The following NINL variants were observed in gnomAD, a reference collection of about 807,000 sequenced individuals.
NINL encodes ninein-like protein.
In NINL, 153 loss-of-function variants were observed where a neutral mutation model predicts 160.3. The observed-to-expected ratio is 0.95, with a 90% CI of 0.84 to 1.09. NINL has a LOEUF of 1.09. Ranked by LOEUF, NINL falls within the 50% of genes least tolerant of loss-of-function variation. The pLI is 0.00. For synonymous variants in NINL, 800 were observed against 734.8 expected, an observed-to-expected ratio of 1.09 and a Z score of -1.43; for missense variants, 1,829 against 1,764.0, an observed-to-expected ratio of 1.04 and a Z score of -0.66.
intron 8 of NINL, chr20:25,498,943 C>T (rs1251013113): frequency 1.0e-6 from 1 of 985,370 alleles, no homozygotes; most frequent in African/African-American, 1.7e-5. Flanking sequence ...TAGAGTCACA[C>T]ACACCCTAAG....
At chr20:25,469,381 C>A (rs970510923) in intron 18 of NINL, among the ~76,000 whole-genome samples, 1 of 144,468 alleles carries the variant, frequency 6.9e-6, no homozygotes, top group African/African-American at 2.7e-5. Context: ...CCCTGCCCCC[C>A]TGACTCTCAC....
intron 9 of NINL, 22 bp from the exon 10 acceptor site, chr20:25,496,825 G>C (rs781050880): frequency 3.7e-6 from 6 of 1,612,076 alleles, no homozygotes. Flanking sequence ...AGGAGACAGG[G>C]TCAGATGGGA....
intron 1 of NINL, among the ~76,000 whole-genome samples, chr20:25,564,858 G>A (rs2064983121): frequency 1.3e-5 from 2 of 149,894 alleles, no homozygotes; most frequent in Admixed American, 6.6e-5. Flanking sequence ...ATCAGAGAAC[G>A]AGGTCACAAG....
chr20:25,537,258 T>A (rs903518615), intron 1 of NINL, among the ~76,000 whole-genome samples: 2 of 151,922 alleles, frequency 1.3e-5, no homozygotes, highest in African/African-American at 2.4e-5. Context: ...ACTTTTAAAC[T>A]TTTTTGTACA....
chr20:25,456,170 G>A (rs190866177), intron 22 of NINL, among the ~76,000 whole-genome samples: 372 of 142,458 alleles, frequency 2.6e-3, no homozygotes, highest in African/African-American at 9.2e-3. Context: ...TTGAACCCAA[G>A]AGGCAGAGGT....
intron 1 of NINL, among the ~76,000 whole-genome samples, chr20:25,528,996 G>A (rs6138595): frequency 0.16 from 24,023 of 152,172 alleles, 2,183 homozygotes; most frequent in East Asian, 0.35. Flanking sequence ...CACAGGGTAC[G>A]GAAGTTGGAG....
chr20:25,475,048 G>A (rs146299892), intron 17 of NINL, among the ~76,000 whole-genome samples: 2,174 of 152,112 alleles, frequency 0.014, 17 homozygotes, highest in Middle Eastern at 0.02. Flanking sequence ...CTCCCAAAGT[G>A]CTGAGATTAC....
intron 1 of NINL, among the ~76,000 whole-genome samples, chr20:25,548,498 C>T (rs1035075732): frequency 6.6e-6 from 1 of 151,940 alleles, no homozygotes; most frequent in African/African-American, 2.4e-5. Flanking sequence ...CCCAACCTTA[C>T]ACAGGGCTGA....
At chr20:25,583,992 G>T (rs1411404731) in intron 1 of NINL, among the ~76,000 whole-genome samples, 1 of 152,122 alleles carries the variant, frequency 6.6e-6, no homozygotes, top group Non-Finnish European at 1.5e-5. Context: ...GGGCGGGTGG[G>T]GGGCAAGAGG....
In NINL at chr20:25,500,843, C is replaced by A. The variant is rs2063852949; in HGVS notation, c.1029G>T (p.Leu343Phe). 6.2e-7 allele frequency: 1 copy of A among 1,613,268 alleles called. No homozygotes were observed. The highest frequency in any genetic ancestry group is 1.1e-5 in the South Asian group (1 of 90,892). The change falls in exon 8 of 24, where the codon TTG (leucine) becomes TTT (phenylalanine). Residue 343 changes from leucine to phenylalanine, a missense_variant. Transcript: ENST00000278886. ...QEGIQNGREI[L>F]QSLDFSVDEK... ...TAGGCATCACCCAGTTCCAAACCTG[C>A]AAGATCTCCCTGCCATTCTGAATCC...
intron 1 of NINL, among the ~76,000 whole-genome samples, chr20:25,570,975 G>A (rs939760874): frequency 1.3e-5 from 2 of 150,530 alleles, no homozygotes; most frequent in African/African-American, 4.9e-5. Context: ...AGTGCTGGGC[G>A]TGAACCACCG....
At position 25,476,387 on chromosome 20, in the gene NINL, G is replaced by A. The variant is rs148788361; in HGVS notation, c.2904C>T (p.Cys968=). 3,309 of 1,607,948 alleles carry A rather than the reference G, an allele frequency of 2.1e-3. 4 individuals are homozygous for A. The highest frequency in any genetic ancestry group is 2.0e-3 in the Non-Finnish European group (2,317 of 1,179,158). Residue 968 remains cysteine (C), a synonymous_variant, in exon 17 of 24, where the codon TGC becomes TGT. Coordinates refer to ENST00000278886, the MANE Select transcript of NINL (RefSeq NM_025176.6). ...CCTGTAGCCTCTCAGCCTGTCCCCT[G>A]CACGAAGCGGCCGGCCTCAGGGGTG... The part of the protein sequence containing the change: ...WEPPLRPAAS[C]RGQAERLQAI...
Position 25,510,702 on chromosome 20 carries a change from T to C in NINL, c.489A>G (p.Glu163=). The C allele has an allele frequency of 6.2e-7, 1 of 1,613,976 alleles. No homozygotes were observed. The highest frequency in any genetic ancestry group is 8.5e-7 in the Non-Finnish European group (1 of 1,179,992). The change falls in exon 5 of 24, where the codon GAA becomes GAG. Residue 163 remains glutamate, a synonymous_variant. Transcript: ENST00000278886. ...KSDEEAESTK[E]AQNELFEAQG... is the part of the protein sequence containing the mutation. The stretch of plus-strand genomic sequence containing the variant: ...GTGCTTCAAATAATTCATTCTGAGC[T>C]TCTTTAGTGCTCTCGGCCTCTTCAT...
At position 25,514,615 on chromosome 20, in the gene NINL, C is replaced by T. The variant is rs538298632; in HGVS notation, c.278-1609G>A. On this transcript the variant is annotated intron_variant, in intron 3 of 23. Transcript: ENST00000278886. The stretch of plus-strand genomic sequence containing the variant: ...GACAATGGAAGAAATGCCTGGAAGG[C>T]ATTTCAGAGAGCTTCATGGCAGTCC... 2.0e-5 allele frequency among the ~76,000 whole-genome samples: 3 copies of T among 152,330 alleles called. No individual in the cohort carries two copies. In the South Asian group the frequency reaches 6.2e-4, roughly 32 times the overall value.
chr20:25,507,222 A>G (rs558433417), intron 5 of NINL, among the ~76,000 whole-genome samples: 2 of 149,718 alleles, frequency 1.3e-5, no homozygotes, highest in Non-Finnish European at 2.9e-5. Flanking sequence ...CTGAGTTAGC[A>G]TCAAAGTCTA....
intron 10 of NINL, among the ~76,000 whole-genome samples, chr20:25,495,208 T>A (rs2063726672): frequency 6.6e-6 from 1 of 152,076 alleles, no homozygotes; most frequent in Admixed American, 6.5e-5. Context: ...AGGGCTTCTT[T>A]GGTAAAGGAG....
At chr20:25,579,312 C>T (rs1944329177) in intron 1 of NINL, among the ~76,000 whole-genome samples, 6 of 152,208 alleles carry the variant, frequency 3.9e-5, no homozygotes, top group South Asian at 4.1e-4. Context: ...CAGTACACCC[C>T]GGCTCAGCCT....
intron 1 of NINL, among the ~76,000 whole-genome samples, chr20:25,551,173 C>A (rs944816101): frequency 1.6e-4 from 23 of 141,284 alleles, no homozygotes; most frequent in Middle Eastern, 3.3e-3. Flanking sequence ...GTCAATACAG[C>A]ACATGTTTTC....
intron 5 of NINL, among the ~76,000 whole-genome samples, chr20:25,506,899 T>A (rs949384047): frequency 2.0e-5 from 3 of 152,132 alleles, no homozygotes; most frequent in Non-Finnish European, 2.9e-5. Context: ...CTAGAAAAAA[T>A]ATATATATTC....
Sources: gnomAD v4.1 joint callset for allele counts (sites outside exome capture counted in the v4.1 genomes callset) on GRCh38, gnomAD v4.1.1 for gene constraint, MANE v1.5 for transcripts, NCBI Gene and HGNC (gene_info 2026-07-23, HGNC 2026-07-21) for gene names.